Variants in EBF1 observed in about 807,000 individuals in gnomAD.
EBF1 encodes EBF transcription factor 1.
A neutral mutation model predicts 68.4 loss-of-function variants in EBF1; 10 were observed. The ratio of observed to expected loss-of-function variants is 0.15; its 90% confidence interval spans 0.09 to 0.25. The LOEUF (loss-of-function observed/expected upper bound fraction) is 0.25. Among genes scored for constraint, EBF1 ranks in the 10% least tolerant of loss-of-function variants. The probability of loss-of-function intolerance (pLI) is 1.00; values close to 1 mark genes in which losing one functional copy is unlikely to be tolerated. For missense variants in EBF1, 509 were observed against 794.4 expected, an observed-to-expected ratio of 0.64 and a Z score of 4.32; for synonymous variants, 298 against 299.8, an observed-to-expected ratio of 0.99 and a Z score of 0.06.
intron 6 of EBF1, among the ~76,000 whole-genome samples, chr5:159,028,892 G>C (rs1248262168): frequency 6.6e-6 from 1 of 152,244 alleles, no homozygotes; most frequent in Admixed American, 6.5e-5. Flanking sequence ...TGGCATTTCA[G>C]AAGAAGGCCA....
intron 7 of EBF1, among the ~76,000 whole-genome samples, chr5:158,823,563 ACT>A (rs1252474716): frequency 6.6e-6 from 1 of 152,200 alleles, no homozygotes; most frequent in East Asian, 1.9e-4. Context: ...CAGAAGGTAC[ACT>A]GTTAACCATA....
intron 11 of EBF1, among the ~76,000 whole-genome samples, chr5:158,717,512 A>T (rs1219751925): frequency 1.3e-5 from 2 of 152,164 alleles, no homozygotes; most frequent in Non-Finnish European, 2.9e-5. Flanking sequence ...GTTTCAAGGC[A>T]TTTATTTGTC....
In EBF1 at chr5:158,709,086, G is replaced by A. The variant is rs538970439; in HGVS notation, c.1550-913C>T. Reference sequence around the variant, plus strand: ...TTTTGTTCCAGGTTAATAATCTCTCGGTTACTTTAGGAGACAGAGATTTCA... The same window carrying A: ...TTTTGTTCCAGGTTAATAATCTCTCAGTTACTTTAGGAGACAGAGATTTCA... On this transcript the variant is annotated intron_variant, in intron 14 of 15. Coordinates refer to ENST00000313708, the MANE Select transcript of EBF1 (RefSeq NM_024007.5). Among the ~76,000 whole-genome samples the A allele has an allele frequency of 6.0e-4, 91 of 152,082 alleles. 1 individual carries two copies. The South Asian group carries it at 0.017, about 29-fold the overall frequency.
At position 158,777,523 on chromosome 5, in the gene EBF1, G is replaced by A; in HGVS notation, c.926C>T (p.Ala309Val). The A allele has an allele frequency of 6.2e-7, 1 of 1,608,136 alleles. No homozygotes were observed. The highest frequency in any genetic ancestry group is 8.5e-7 in the Non-Finnish European group (1 of 1,177,158). ...CCGAGGAGGGGTCTGCACACGGATG[G>A]CATGAGGAGTGATCAACTGGAGGAG... is the stretch of plus-strand genomic sequence containing the variant. ...LVWSELITPH[A>V]IRVQTPPRHI... Residue 309 changes from alanine to valine, a missense_variant, in exon 10 of 16, where the codon GCC (alanine) becomes GTC (valine). Physicochemically the swap from Ala to Val is moderately conservative, Grantham distance 64 (BLOSUM62 0). Coordinates refer to ENST00000313708, the MANE Select transcript of EBF1 (RefSeq NM_024007.5).
chr5:158,799,724 C>T (rs1022314720), intron 8 of EBF1, among the ~76,000 whole-genome samples: 18 of 152,230 alleles, frequency 1.2e-4, no homozygotes, highest in African/African-American at 3.9e-4. Flanking sequence ...GTGAATTGCA[C>T]GTGCCCCAGG....
intron 15 of EBF1, among the ~76,000 whole-genome samples, chr5:158,700,766 C>A (rs920325260): frequency 2.6e-5 from 4 of 152,098 alleles, no homozygotes; most frequent in African/African-American, 9.7e-5. Context: ...GTAAATCATC[C>A]AAATGTTGTT....
intron 10 of EBF1, among the ~76,000 whole-genome samples, chr5:158,742,260 T>C (rs1357020051): frequency 6.6e-6 from 1 of 152,204 alleles, no homozygotes; most frequent in African/African-American, 2.4e-5. Flanking sequence ...CAGAACCCAT[T>C]TGACTTCCAT....
At chr5:158,751,207 C>G (rs1413112896) in intron 10 of EBF1, among the ~76,000 whole-genome samples, 1 of 152,042 alleles carries the variant, frequency 6.6e-6, no homozygotes, top group African/African-American at 2.4e-5. Context: ...GATTTGAACT[C>G]CTTAAATTCT....
intron 6 of EBF1, among the ~76,000 whole-genome samples, chr5:158,889,235 T>C (rs994913509): frequency 1.3e-5 from 2 of 152,108 alleles, no homozygotes; most frequent in Non-Finnish European, 2.9e-5. Context: ...ATAAACCACA[T>C]CTAAATCAAT....
chr5:158,763,815 T>G (rs564642791), intron 10 of EBF1, among the ~76,000 whole-genome samples: 2 of 152,354 alleles, frequency 1.3e-5, no homozygotes, highest in African/African-American at 4.8e-5. Context: ...ATATGTGATC[T>G]GCTCTGGTTT....
Position 158,985,207 on chromosome 5 carries a change from T to C in EBF1, c.554+88189A>G, listed in dbSNP as rs1758783714. On this transcript the variant is annotated intron_variant, in intron 6 of 15. Transcript: ENST00000313708. The stretch of plus-strand genomic sequence containing the variant: ...CGAGAATACCATTTGCAAGGAAATC[T>C]GGTGTAAAATAAACACCTGGGCTGA... Among the ~76,000 whole-genome samples the C allele has an allele frequency of 2.0e-5, 3 of 152,346 alleles. No homozygotes were observed. The South Asian group carries it at 6.2e-4, about 32-fold the overall frequency.
intron 9 of EBF1, among the ~76,000 whole-genome samples, chr5:158,784,259 G>T (rs796368149): frequency 4.6e-5 from 7 of 152,304 alleles, no homozygotes; most frequent in African/African-American, 1.7e-4. Context: ...AAACCAACTG[G>T]AAGTGGCCAG....
intron 7 of EBF1, among the ~76,000 whole-genome samples, chr5:158,826,479 T>C (rs1487468131): frequency 1.3e-5 from 2 of 152,246 alleles, no homozygotes; most frequent in African/African-American, 2.4e-5. Flanking sequence ...TTCTATAGGA[T>C]GGCACTGCTC....
At chr5:158,871,388 C>G (rs1251616107) in intron 6 of EBF1, among the ~76,000 whole-genome samples, 1 of 152,152 alleles carries the variant, frequency 6.6e-6, no homozygotes, top group Non-Finnish European at 1.5e-5. Context: ...CACATTTGGG[C>G]TCCCTTGGAA....
chr5:159,010,493 A>C (rs1174023085), intron 6 of EBF1, among the ~76,000 whole-genome samples: 1 of 151,438 alleles, frequency 6.6e-6, no homozygotes, highest in Non-Finnish European at 1.5e-5. Flanking sequence ...ACTCCCCCCC[A>C]GAAGCATGAC....
chr5:158,918,352 G>C (rs80352104), intron 6 of EBF1, among the ~76,000 whole-genome samples: 20,463 of 152,074 alleles, frequency 0.13, 1,470 homozygotes, highest in African/African-American at 0.16. Context: ...TCTGTTAAAA[G>C]GCAGAATCCT....
chr5:158,812,230 A>G (rs974724601), intron 8 of EBF1, among the ~76,000 whole-genome samples: 2 of 152,226 alleles, frequency 1.3e-5, no homozygotes, highest in African/African-American at 4.8e-5. Flanking sequence ...CAAATGAACT[A>G]AAGAGGAATC....
intron 6 of EBF1, among the ~76,000 whole-genome samples, chr5:158,922,434 T>C (rs950019114): frequency 6.6e-6 from 1 of 152,212 alleles, no homozygotes; most frequent in Non-Finnish European, 1.5e-5. Context: ...ACAATAGTTC[T>C]TCCACTTTGC....
chr5:158,940,845 A>G (rs1373846480), intron 6 of EBF1, among the ~76,000 whole-genome samples: 1 of 143,104 alleles, frequency 7.0e-6, no homozygotes, highest in Admixed American at 7.6e-5. Context: ...TTCCTGGTGG[A>G]CTATCTCTGG....
Sources: allele counts gnomAD v4.1 joint callset (sites outside exome capture counted in the v4.1 genomes callset), GRCh38; gene constraint gnomAD v4.1.1; transcripts MANE v1.5; gene names NCBI Gene and HGNC (gene_info 2026-07-23, HGNC 2026-07-21).